Variants in SPINK1 observed in about 807,000 individuals in gnomAD.
SPINK1 encodes serine peptidase inhibitor Kazal type 1, also known as serine protease inhibitor Kazal-type 1.
SPINK1 carries 5 observed loss-of-function variants against 9.5 expected under a neutral mutation model. That is an observed-to-expected ratio of 0.52 (90% CI 0.27 to 1.10). SPINK1 has a LOEUF of 1.10. SPINK1 is among the 50% of genes least tolerant of loss of function. The pLI, the probability that SPINK1 is intolerant of heterozygous loss-of-function variation, is 0.11. For missense variants in SPINK1, 88 were observed against 92.7 expected, an observed-to-expected ratio of 0.95 and a Z score of 0.21; for synonymous variants, 37 against 32.3, an observed-to-expected ratio of 1.14 and a Z score of -0.49.
chr5:147,835,828 ACCT>A (rs1756586256), upstream of SPINK1, among the ~76,000 whole-genome samples: 1 of 152,010 alleles, frequency 6.6e-6, no homozygotes, highest in Non-Finnish European at 1.5e-5. Context: ...ACATTTGGAG[ACCT>A]CCTTGACATA....
upstream of SPINK1, among the ~76,000 whole-genome samples, chr5:147,833,763 G>A (rs1025261226): frequency 3.3e-5 from 5 of 152,146 alleles, no homozygotes; most frequent in Non-Finnish European, 7.4e-5. Flanking sequence ...TTTATGGACT[G>A]CAAATTTGAT....
At chr5:147,828,273 T>C in intron 2 of SPINK1, 145 bp from the exon 3 acceptor site, 1 of 750,012 alleles carries the variant, frequency 1.3e-6, no homozygotes, top group Non-Finnish European at 2.3e-6. Context: ...TAACCTACTA[T>C]CTGGAGACAG....
In SPINK1 at chr5:147,825,435, CTTTTTTTCT is replaced by C. The variant is rs200530156; in HGVS notation, c.195-738_195-730del. Among the ~76,000 whole-genome samples the C allele has an allele frequency of 5.9e-4, 63 of 107,532 alleles. No homozygotes were observed. In the East Asian group the frequency reaches 8.6e-3, roughly 15 times the overall value. 70.5% of individuals were successfully genotyped at this position (107,532 alleles called of 152,430 possible). A position where few individuals can be genotyped will look rare whatever the true frequency, so the allele number is the denominator to read the frequency against. On this transcript the variant is annotated intron_variant, in intron 3 of 3. Transcript: ENST00000296695. ...CTTTTTTTTCTTTTTTTTTTCTTTT[CTTTTTTTCT>C]TTTTTTTCTTTTTTTAAGACAGAGT...
chr5:147,831,526 A>G lies in SPINK1; in HGVS notation c.52T>C (p.Ser18Pro), dbSNP rs1168000399. The G allele has an allele frequency of 6.2e-7, 1 of 1,613,484 alleles. No individual in the cohort carries two copies. Among genetic ancestry groups the G allele is most frequent in the Non-Finnish European group, 8.5e-7 (1 of 1,179,858 alleles). ...TTGAAAAATATGCAACACTTACCAG[A>G]TAGACTCAACAGGGCCAAGGCACTG... ...LLSALALLSL[S>P]GNTGADSLGR... Residue 18 changes from serine to proline, a missense_variant, in exon 1 of 4, where the codon TCT (serine) becomes CCT (proline). Physicochemically the swap from Ser to Pro is moderately conservative, Grantham distance 74. Coordinates refer to ENST00000296695, the MANE Select transcript of SPINK1 (RefSeq NM_001379610.1).
At chr5:147,828,530 T>C (rs528531830) in intron 2 of SPINK1, among the ~76,000 whole-genome samples, 1 of 152,312 alleles carries the variant, frequency 6.6e-6, no homozygotes, top group East Asian at 1.9e-4. Flanking sequence ...CCTTGTACAC[T>C]GTAGTCCACA....
chr5:147,826,909 A>T (rs1271618571), intron 3 of SPINK1, among the ~76,000 whole-genome samples: 3 of 152,192 alleles, frequency 2.0e-5, no homozygotes, highest in African/African-American at 7.2e-5. Flanking sequence ...TTACACAGTC[A>T]TTTGAGCCTG....
In SPINK1 at chr5:147,824,683, A is replaced by G. The variant is rs200263045; in HGVS notation, c.218T>C (p.Ile73Thr). Residue 73 changes from isoleucine (I) to threonine (T), a missense_variant, in exon 4 of 4, where the codon ATT becomes ACT. By Grantham distance (89) the Ile-to-Thr change is moderately conservative. Transcript: ENST00000296695. ...ENRKRQTSIL[I>T]QKSGPC is the part of the protein sequence containing the mutation. ...TTCTCAGCAAGGCCCAGATTTTTGA[A>G]TGAGGATAGAAGTCTGGCGTTTCCT... 6 of 1,614,098 alleles carry G rather than the reference A, an allele frequency of 3.7e-6. No individual in the cohort carries two copies. The highest frequency in any genetic ancestry group is 1.7e-5 in the Admixed American group (1 of 60,014).
At chr5:147,828,653 A>G (rs746770250) in intron 2 of SPINK1, among the ~76,000 whole-genome samples, 4 of 152,198 alleles carry the variant, frequency 2.6e-5, no homozygotes, top group Non-Finnish European at 5.9e-5. Context: ...TCATTGTCCT[A>G]GACATTGTTC....
intron 1 of SPINK1, among the ~76,000 whole-genome samples, chr5:147,830,535 T>G (rs1282418436): frequency 1.3e-5 from 2 of 152,118 alleles, no homozygotes; most frequent in African/African-American, 4.8e-5. Context: ...CCCGGGATAG[T>G]CAGAACTTGA....
chr5:147,825,584 G>A (rs1756387785), intron 3 of SPINK1, among the ~76,000 whole-genome samples: 1 of 152,000 alleles, frequency 6.6e-6, no homozygotes, highest in African/African-American at 2.4e-5. Context: ...TGGGATTACA[G>A]GTGAATGCCA....
chr5:147,834,353 G>A (rs915531298), upstream of SPINK1, among the ~76,000 whole-genome samples: 1 of 151,950 alleles, frequency 6.6e-6, no homozygotes, highest in Non-Finnish European at 1.5e-5. Context: ...TTCACCATTC[G>A]GCCTTTTATT....
chr5:147,830,738 G>T (rs1756493626), intron 1 of SPINK1, among the ~76,000 whole-genome samples: 1 of 152,182 alleles, frequency 6.6e-6, no homozygotes, highest in South Asian at 2.1e-4. Flanking sequence ...TGCTGATTTG[G>T]CTCTCCACAG....
upstream of SPINK1, among the ~76,000 whole-genome samples, chr5:147,832,367 C>T (rs1290047779): frequency 6.6e-6 from 1 of 151,858 alleles, no homozygotes; most frequent in Non-Finnish European, 1.5e-5. Flanking sequence ...ATTCTCCATC[C>T]TCTCTCATGT....
upstream of SPINK1, among the ~76,000 whole-genome samples, chr5:147,835,049 T>G (rs1266884927): frequency 6.6e-6 from 1 of 152,028 alleles, no homozygotes; most frequent in African/African-American, 2.4e-5. Flanking sequence ...AATACTAAGA[T>G]GAATTCTAGT....
chr5:147,826,356 G>A (rs1756403889), intron 3 of SPINK1, among the ~76,000 whole-genome samples: 1 of 152,248 alleles, frequency 6.6e-6, no homozygotes, highest in Admixed American at 6.5e-5. Context: ...TTTGTCTCTA[G>A]ACCTAAATTT....
upstream of SPINK1, among the ~76,000 whole-genome samples, chr5:147,835,246 G>A (rs1035105381): frequency 1.3e-5 from 2 of 152,118 alleles, no homozygotes; most frequent in African/African-American, 4.8e-5. Context: ...TTCATTTGGT[G>A]TGAGAATAAA....
upstream of SPINK1, among the ~76,000 whole-genome samples, chr5:147,834,421 G>C (rs998291091): frequency 6.6e-6 from 1 of 151,978 alleles, no homozygotes; most frequent in African/African-American, 2.4e-5. Context: ...AAAAATTTTT[G>C]GCTGAGTGCT....
intron 1 of SPINK1, among the ~76,000 whole-genome samples, chr5:147,830,718 C>G (rs1041044377): frequency 1.2e-4 from 19 of 152,170 alleles, no homozygotes; most frequent in African/African-American, 4.6e-4. Context: ...TCTTCCTCTT[C>G]TTAGCAAAGT....
At chr5:147,831,133 T>A (rs1402687564) in intron 1 of SPINK1, among the ~76,000 whole-genome samples, 1 of 152,238 alleles carries the variant, frequency 6.6e-6, no homozygotes, top group African/African-American at 2.4e-5. Flanking sequence ...TTATACTGAA[T>A]AACTGGAAGC....
Sources: gnomAD v4.1 joint callset for allele counts (sites outside exome capture counted in the v4.1 genomes callset) on GRCh38, gnomAD v4.1.1 for gene constraint, MANE v1.5 for transcripts, NCBI Gene and HGNC (gene_info 2026-07-23, HGNC 2026-07-21) for gene names.